The following PRRC2B variants were observed in gnomAD, a reference collection of about 807,000 sequenced individuals.
PRRC2B encodes the protein proline rich coiled-coil 2B.
In PRRC2B, 68 loss-of-function variants were observed where a neutral mutation model predicts 242.3. The ratio of observed to expected loss-of-function variants is 0.28; its 90% CI spans 0.23 to 0.34. The LOEUF (loss-of-function observed/expected upper bound fraction) is 0.34. PRRC2B is among the 10% of genes least tolerant of loss of function. The probability of loss-of-function intolerance (pLI) is 1.00; values close to 1 mark genes in which losing one functional copy is unlikely to be tolerated. For synonymous variants in PRRC2B, 1,228 were observed against 1,173.6 expected, an observed-to-expected ratio of 1.05 and a Z score of -0.95; for missense variants, 2,835 against 2,954.8, an observed-to-expected ratio of 0.96 and a Z score of 0.94.
rs776081547 is a variant in PRRC2B, at chr9:131,478,557, C to T, written c.4696C>T (p.Leu1566=). The T allele has an allele frequency of 6.2e-7, 1 of 1,611,252 alleles. No individual in the cohort carries two copies. The highest frequency in any genetic ancestry group is 1.3e-5 in the African/African-American group (1 of 74,238). Residue 1566 remains leucine (L), a synonymous_variant, in exon 18 of 32, where the codon CTG becomes TTG. Coordinates refer to ENST00000683519, the MANE Select transcript of PRRC2B (RefSeq NM_013318.4). The part of the protein sequence containing the change: ...SMVGEGFIEV[L]TKKQRRLLEE... ...GGTGGGCGAAGGCTTCATCGAAGTC[C>T]TGACCAAGAAGCAGCGCCGCCTGCT...
chr9:131,460,411 A>G (rs973244030), intron 11 of PRRC2B, among the ~76,000 whole-genome samples: 3 of 152,164 alleles, frequency 2.0e-5, no homozygotes, highest in African/African-American at 7.2e-5. Context: ...CTTGTGAAGA[A>G]GTCCACAGTT....
intron 28 of PRRC2B, chr9:131,490,907 G>A (rs572139798): frequency 6.5e-6 from 2 of 308,542 alleles, no homozygotes; most frequent in South Asian, 5.8e-5. Context: ...CCCGCCCCGT[G>A]TGCACCCATA....
At chr9:131,385,038 A>T (rs1397738039) in intron 1 of PRRC2B, among the ~76,000 whole-genome samples, 1 of 151,338 alleles carries the variant, frequency 6.6e-6, no homozygotes, top group East Asian at 2.0e-4. Context: ...ATGGAGTTTC[A>T]CTCTTGTCGC....
At chr9:131,421,770 G>T (rs1837848218) in intron 1 of PRRC2B, among the ~76,000 whole-genome samples, 1 of 152,184 alleles carries the variant, frequency 6.6e-6, no homozygotes, top group African/African-American at 2.4e-5. Flanking sequence ...GCTGTTGGTG[G>T]CATGGCGTAA....
chr9:131,482,877 G>A lies in PRRC2B; in HGVS notation c.5343G>A (p.Val1781=). 1 of 1,607,890 alleles carries A rather than the reference G, an allele frequency of 6.2e-7. No homozygotes were observed. The highest frequency in any genetic ancestry group is 8.5e-7 in the Non-Finnish European group (1 of 1,177,130). Residue 1781 remains valine, a synonymous_variant, in exon 22 of 32, where the codon GTG becomes GTA. Coordinates refer to ENST00000683519, the MANE Select transcript of PRRC2B (RefSeq NM_013318.4). This position sits in a 1 kb window ranked among gnomAD's most constrained non-coding sequence, Gnocchi z 5.2. ...TTCACGTGGACTCCGTGCTGCCTGT[G>A]CCACCCATTGAATTTGGAGTCAGTC... The part of the protein sequence containing the change: ...VEIHVDSVLP[V]PPIEFGVSPK...
intron 1 of PRRC2B, among the ~76,000 whole-genome samples, chr9:131,426,825 TG>T (rs1360273423): frequency 6.6e-6 from 1 of 152,216 alleles, no homozygotes; most frequent in Non-Finnish European, 1.5e-5. Context: ...TCCTTGGGCT[TG>T]GCCACTGAAT....
rs766962463 is a variant in PRRC2B at position 131,484,771 on chromosome 9, C to T, written c.5546C>T (p.Thr1849Ile). 6.2e-7 allele frequency: 1 copy of T among 1,611,222 alleles called. No individual in the cohort carries two copies. Among genetic ancestry groups the T allele is most frequent in the South Asian group, 1.1e-5 (1 of 90,754 alleles). ...AIGLSPMSFP[T>I]ADLTLKMESA... Reference sequence around the variant, plus strand: ...GGTCTCTCCCCAATGTCCTTCCCCACCGCCGACCTTACTCTGAAGGTAACA... The same window carrying T: ...GGTCTCTCCCCAATGTCCTTCCCCATCGCCGACCTTACTCTGAAGGTAACA... The change falls in exon 24 of 32, where the codon ACC (threonine) becomes ATC (isoleucine). Residue 1849 changes from threonine (T) to isoleucine (I), a missense_variant. By Grantham distance (89) the Thr-to-Ile change is moderately conservative. Transcript: ENST00000683519.
chr9:131,429,226 C>T (rs1282575318), intron 1 of PRRC2B, among the ~76,000 whole-genome samples: 6 of 152,242 alleles, frequency 3.9e-5, no homozygotes, highest in Non-Finnish European at 5.9e-5. Context: ...GGATTACAGG[C>T]GTGAACCACC....
rs916111332 is a variant in PRRC2B, at chr9:131,498,517, G to T, written c.*2643G>T. ...AATGAAATGCAGTTCTTAGTGCAGAGATGTTTTAAGGTGCAATATATCTCT... is the reference window on the plus strand; with the variant it reads ...AATGAAATGCAGTTCTTAGTGCAGATATGTTTTAAGGTGCAATATATCTCT... On this transcript the variant is annotated 3_prime_UTR_variant, in exon 32 of 32. Transcript: ENST00000683519. The T allele has an allele frequency of 2.6e-5, 4 of 152,266 alleles. No individual in the cohort carries two copies. The highest frequency in any genetic ancestry group is 4.4e-5 in the Non-Finnish European group (3 of 68,050). The allele number at this position is 152,266 out of a possible 1,614,324, so 9.4% of individuals were successfully genotyped here.
intron 11 of PRRC2B, among the ~76,000 whole-genome samples, chr9:131,463,594 A>G (rs549709690): frequency 6.6e-6 from 1 of 151,502 alleles, no homozygotes; most frequent in Non-Finnish European, 1.5e-5. Context: ...TCAGAAACGG[A>G]TAAAGAATCC....
At chr9:131,411,496 G>GCCA (rs1330178830) in intron 1 of PRRC2B, among the ~76,000 whole-genome samples, 3 of 149,930 alleles carry the variant, frequency 2.0e-5, no homozygotes, top group African/African-American at 7.3e-5. Context: ...ACAGGCGCCT[G>GCCA]CCACCACGCC....
At chr9:131,401,614 G>A (rs889928324) in intron 1 of PRRC2B, among the ~76,000 whole-genome samples, 5 of 151,902 alleles carry the variant, frequency 3.3e-5, no homozygotes, top group African/African-American at 7.3e-5. Context: ...GCCTCCCAAA[G>A]TGCTGGGATT....
intron 1 of PRRC2B, among the ~76,000 whole-genome samples, chr9:131,388,349 T>C (rs1836853268): frequency 6.9e-6 from 1 of 144,102 alleles, no homozygotes; most frequent in Non-Finnish European, 1.5e-5. Flanking sequence ...CAAGCAATTC[T>C]CCTGCCTCAG....
chr9:131,491,617 G>C, intron 29 of PRRC2B, 37 bp downstream of exon 29: 1 of 1,551,344 alleles, frequency 6.4e-7, no homozygotes, highest in Non-Finnish European at 8.7e-7. Flanking sequence ...CCTAGGGAGG[G>C]GGCCTTGTGT....
rs1944334885 is a variant in PRRC2B at position 131,496,361 on chromosome 9, A to T, written c.*487A>T. The stretch of plus-strand genomic sequence containing the variant: ...AAACAAAAACGCAAGCTCCATGTGT[A>T]TAGCTGAACTTTTATATGTTTCTTG... On this transcript the variant is annotated 3_prime_UTR_variant, in exon 32 of 32. Coordinates refer to ENST00000683519, the MANE Select transcript of PRRC2B (RefSeq NM_013318.4). 1 of 156,702 alleles carries T rather than the reference A, an allele frequency of 6.4e-6. No homozygotes were observed. Among genetic ancestry groups the T allele is most frequent in the Non-Finnish European group, 1.4e-5 (1 of 70,680 alleles). 9.7% of individuals were successfully genotyped at this position (156,702 alleles called of 1,614,324 possible).
chr9:131,465,294 T>A (rs1322489216), intron 12 of PRRC2B, among the ~76,000 whole-genome samples: 1 of 152,172 alleles, frequency 6.6e-6, no homozygotes, highest in Non-Finnish European at 1.5e-5. Flanking sequence ...TTTACTTTAG[T>A]TTCAGGGGGT....
Position 131,465,892 on chromosome 9 carries a change from T to C in PRRC2B, c.1720+814T>C, listed in dbSNP as rs142720500. On this transcript the variant is annotated intron_variant, in intron 12 of 31. Transcript: ENST00000683519. ...GGCGTGTGCCACGACGCCCAGCTAA[T>C]TTTTGTATTTTTAGTAGAGACAGGG... is the stretch of plus-strand genomic sequence containing the variant. Among the ~76,000 whole-genome samples the C allele has an allele frequency of 2.7e-3, 406 of 152,228 alleles. 3 individuals carry two copies. The highest frequency in any genetic ancestry group is 4.4e-3 in the Non-Finnish European group (302 of 68,018).
chr9:131,404,592 GAAA>G lies in PRRC2B; in HGVS notation c.-52+10336_-52+10338del, dbSNP rs34830565. Among the ~76,000 whole-genome samples the G allele has an allele frequency of 4.6e-5, 7 of 150,950 alleles. No individual in the cohort carries two copies. The East Asian group carries it at 1.4e-3, about 29-fold the overall frequency. ...ATAAAGGCTCTTCCCCACTCTCTCT[GAAA>G]AAAAAACCAGTGTGAGGAAGTTCTT... On this transcript the variant is annotated intron_variant, in intron 1 of 31. Coordinates refer to ENST00000683519, the MANE Select transcript of PRRC2B (RefSeq NM_013318.4).
chr9:131,464,646 G>A (rs1231689803), intron 11 of PRRC2B, 117 bp from the exon 12 acceptor site: 2 of 901,072 alleles, frequency 2.2e-6, no homozygotes, highest in Non-Finnish European at 3.3e-6. Flanking sequence ...ACACGCCTGT[G>A]CTGCCTCTTG....
Sources: gnomAD v4.1 joint callset for allele counts (sites outside exome capture counted in the v4.1 genomes callset) on GRCh38, gnomAD v4.1.1 for gene constraint, Gnocchi (gnomAD v3.1) non-coding constraint, MANE v1.5 for transcripts, NCBI Gene and HGNC (gene_info 2026-07-23, HGNC 2026-07-21) for gene names.